The following GPC5 variants were observed in gnomAD, a reference collection of about 807,000 sequenced individuals.
The protein encoded by GPC5 is glypican 5.
GPC5 carries 47 observed loss-of-function variants against 53.9 expected under a neutral mutation model. That is an observed-to-expected ratio of 0.87 (90% CI 0.69 to 1.11). The LOEUF is 1.11. Ranked by LOEUF, GPC5 falls within the 50% of genes most tolerant of loss-of-function variation. The pLI is 0.00. For synonymous variants in GPC5, 286 were observed against 263.3 expected (o/e 1.09, Z -0.84); for missense variants, 748 against 713.1 (o/e 1.05, Z -0.56).
chr13:91,498,526 G>C (rs563606277), intron 2 of GPC5, among the ~76,000 whole-genome samples: 53 of 152,224 alleles, frequency 3.5e-4, no homozygotes, highest in African/African-American at 1.1e-3. Flanking sequence ...CTGGGCGTAG[G>C]ATAGCCAGGA....
intron 1 of GPC5, among the ~76,000 whole-genome samples, chr13:91,422,796 A>G (rs976951277): frequency 6.6e-6 from 1 of 152,178 alleles, no homozygotes; most frequent in South Asian, 2.1e-4. Context: ...GAGAGAGCCA[A>G]TATGGTTTTT....
intron 2 of GPC5, among the ~76,000 whole-genome samples, chr13:91,460,454 C>T (rs2139139860): frequency 6.6e-6 from 1 of 151,962 alleles, no homozygotes; most frequent in Non-Finnish European, 1.5e-5. Flanking sequence ...TATGCCACCA[C>T]ACCCGGCTAA....
intron 6 of GPC5, among the ~76,000 whole-genome samples, chr13:91,981,699 A>G (rs1279073984): frequency 6.6e-6 from 1 of 152,232 alleles, no homozygotes. Context: ...CTAAACTAGT[A>G]TAGAAGACAA....
chr13:92,389,164 A>G (rs1408747315), intron 7 of GPC5, among the ~76,000 whole-genome samples: 1 of 152,156 alleles, frequency 6.6e-6, no homozygotes, highest in East Asian at 1.9e-4. Context: ...ATACATGACC[A>G]CATTTATACT....
intron 7 of GPC5, among the ~76,000 whole-genome samples, chr13:92,426,857 T>C (rs775638552): frequency 1.3e-5 from 2 of 152,078 alleles, no homozygotes; most frequent in African/African-American, 2.4e-5. Flanking sequence ...TAGATTTATC[T>C]ACTTAACTGT....
chr13:92,830,508 T>C (rs897603355), intron 7 of GPC5, among the ~76,000 whole-genome samples: 3 of 152,160 alleles, frequency 2.0e-5, no homozygotes, highest in Admixed American at 1.3e-4. Flanking sequence ...CCAGAATTTT[T>C]CCTTGCTTTC....
chr13:92,266,634 G>T (rs1334752430), intron 7 of GPC5, among the ~76,000 whole-genome samples: 1 of 152,020 alleles, frequency 6.6e-6, no homozygotes, highest in Non-Finnish European at 1.5e-5. Flanking sequence ...ATAATCAAAG[G>T]GAGAGATTGG....
chr13:92,421,791 A>C (rs1004356666), intron 7 of GPC5, among the ~76,000 whole-genome samples: 2 of 151,894 alleles, frequency 1.3e-5, no homozygotes, highest in African/African-American at 4.8e-5. Context: ...TCATAGTGGA[A>C]GGCAAAGCCA....
intron 6 of GPC5, among the ~76,000 whole-genome samples, chr13:91,915,617 C>T (rs1249700323): frequency 6.6e-6 from 1 of 152,018 alleles, no homozygotes; most frequent in African/African-American, 2.4e-5. Context: ...GTTGAAAGAC[C>T]ATTAAAATGT....
chr13:92,402,377 A>G (rs1208389862), intron 7 of GPC5, among the ~76,000 whole-genome samples: 1 of 152,196 alleles, frequency 6.6e-6, no homozygotes, highest in African/African-American at 2.4e-5. Context: ...AAAGCAATCA[A>G]TATGTGAGTC....
intron 7 of GPC5, among the ~76,000 whole-genome samples, chr13:92,196,484 TCAGCCCTAAAATATAATTA>T (rs1254254607): frequency 6.6e-6 from 1 of 152,178 alleles, no homozygotes; most frequent in Non-Finnish European, 1.5e-5. Flanking sequence ...CTATATTTAA[TCAGCCCTAAAATATAATTA>T]CAGCCCTAGA....
At chr13:91,400,865 A>G (rs980109367) in intron 1 of GPC5, among the ~76,000 whole-genome samples, 4 of 152,232 alleles carry the variant, frequency 2.6e-5, no homozygotes, top group African/African-American at 9.6e-5. Context: ...ATGTCAGGGA[A>G]AACTAAAGCT....
intron 7 of GPC5, among the ~76,000 whole-genome samples, chr13:92,274,035 G>A (rs2042858455): frequency 6.6e-6 from 1 of 152,086 alleles, no homozygotes; most frequent in Non-Finnish European, 1.5e-5. Context: ...ATACCAACCT[G>A]TAGAAAACTG....
At chr13:92,359,878 A>ATT (rs1333039888) in intron 7 of GPC5, among the ~76,000 whole-genome samples, 2 of 151,686 alleles carry the variant, frequency 1.3e-5, no homozygotes, top group Admixed American at 6.6e-5. Flanking sequence ...TTGACATGAG[A>ATT]TTGGGGTAGG....
chr13:92,110,454 G>C (rs1235519638), intron 6 of GPC5, among the ~76,000 whole-genome samples: 1 of 151,998 alleles, frequency 6.6e-6, no homozygotes, highest in Non-Finnish European at 1.5e-5. Flanking sequence ...GCATATTTAA[G>C]GGTATTCAGT....
intron 7 of GPC5, among the ~76,000 whole-genome samples, chr13:92,760,375 TTA>T (rs1875113697): frequency 6.6e-6 from 1 of 152,124 alleles, no homozygotes. Context: ...CTGTTCAGAT[TTA>T]TATGTCTTCC....
At chr13:91,832,300 C>CTTTTTTTTTTT (rs55698516) in intron 5 of GPC5, among the ~76,000 whole-genome samples, 1 of 122,986 alleles carries the variant, frequency 8.1e-6, no homozygotes, top group African/African-American at 3.0e-5. Context: ...GCTTTTTTCT[C>CTTTTTTTTTTT]TTTTTTTTTT....
chr13:92,051,011 G>T (rs898999907), intron 6 of GPC5, among the ~76,000 whole-genome samples: 6 of 151,998 alleles, frequency 3.9e-5, no homozygotes, highest in Admixed American at 3.9e-4. Flanking sequence ...AAGCCATTTT[G>T]GAAGATATTA....
chr13:91,713,451 T>A (rs2036271707), intron 3 of GPC5, among the ~76,000 whole-genome samples: 1 of 152,084 alleles, frequency 6.6e-6, no homozygotes. Context: ...AAAGCAGTCA[T>A]GTCTTTTCTC....
Sources: gnomAD v4.1 joint callset for allele counts (sites outside exome capture counted in the v4.1 genomes callset) on GRCh38, gnomAD v4.1.1 for gene constraint, MANE v1.5 for transcripts, NCBI Gene and HGNC (gene_info 2026-07-23, HGNC 2026-07-21) for gene names.